SLIT3: variants seen among roughly 807,000 people sequenced by gnomAD.
The protein encoded by SLIT3 is slit guidance ligand 3, also known as slit homolog 3 protein.
In SLIT3, 68 loss-of-function variants were observed where a neutral mutation model predicts 184.0. The ratio of observed to expected loss-of-function variants is 0.37; its 90% CI spans 0.30 to 0.45. The LOEUF is 0.45. Among genes scored for constraint, SLIT3 ranks in the 20% least tolerant of loss-of-function variants. SLIT3 has a pLI of 1.00. For synonymous variants in SLIT3, 831 were observed against 828.6 expected, an observed-to-expected ratio of 1.00 and a Z score of -0.05; for missense variants, 1,707 against 2,026.0, an observed-to-expected ratio of 0.84 and a Z score of 3.02.
rs373297717 is a variant in SLIT3, at chr5:169,111,418, T to C, written c.413+82061A>G. On this transcript the variant is annotated intron_variant, in intron 4 of 35. Coordinates refer to ENST00000519560, the MANE Select transcript of SLIT3 (RefSeq NM_003062.4). ...TGCAGTTATAACATGAAAGTAGCCATAGAAGATAGGTAAGCATGAGTGTGT... is the reference window on the plus strand; with the variant it reads ...TGCAGTTATAACATGAAAGTAGCCACAGAAGATAGGTAAGCATGAGTGTGT... Among the ~76,000 whole-genome samples, 955 of 151,820 alleles carry C rather than the reference T, an allele frequency of 6.3e-3. 11 individuals carry two copies. Among genetic ancestry groups the C allele is most frequent in the African/African-American group, 0.022 (899 of 41,478 alleles).
At chr5:169,267,051 A>G (rs997812926) in intron 1 of SLIT3, among the ~76,000 whole-genome samples, 4 of 152,220 alleles carry the variant, frequency 2.6e-5, no homozygotes, top group Non-Finnish European at 5.9e-5. Flanking sequence ...AGTGTTTACC[A>G]TGTGCCAAGG....
chr5:169,025,330 C>T (rs1325114677), intron 4 of SLIT3, among the ~76,000 whole-genome samples: 2 of 152,148 alleles, frequency 1.3e-5, no homozygotes, highest in Non-Finnish European at 2.9e-5. Context: ...CAGCTCGTAC[C>T]AGAAGGTACT....
chr5:168,666,079 A>G lies in SLIT3; in HGVS notation c.*375T>C, dbSNP rs77328224. 8,870 of 158,944 alleles carry G rather than the reference A, an allele frequency of 0.056. 618 individuals carry two copies. The highest frequency in any genetic ancestry group is 0.2 in the Admixed American group (3,094 of 15,530). The allele number at this position is 158,944 out of a possible 1,614,324, so 9.8% of individuals were successfully genotyped here. On this transcript the variant is annotated 3_prime_UTR_variant, in exon 36 of 36. Transcript: ENST00000519560. ...AAAACATCTTCCTCCTTCCTCAGAC[A>G]GGCTATCATTCTTTATTCTTATCCT...
chr5:169,018,597 G>T (rs565726211), intron 4 of SLIT3: 1 of 152,216 alleles, frequency 6.6e-6, no homozygotes, highest in Non-Finnish European at 1.5e-5. Context: ...GAAATCAGGC[G>T]TGAGCGCAAG....
chr5:168,907,858 C>G (rs913031390), intron 4 of SLIT3, among the ~76,000 whole-genome samples: 1 of 143,648 alleles, frequency 7.0e-6, no homozygotes, highest in Non-Finnish European at 1.5e-5. Flanking sequence ...ATACATATAT[C>G]TATATCTATA....
chr5:169,107,441 T>G (rs190636260), intron 4 of SLIT3, among the ~76,000 whole-genome samples: 95 of 152,324 alleles, frequency 6.2e-4, no homozygotes, highest in African/African-American at 2.3e-3. Flanking sequence ...CAAGTAGATG[T>G]GGGTTTGACA....
At chr5:169,244,608 A>G in intron 3 of SLIT3, 97 bp downstream of exon 3, 3 of 1,033,546 alleles carry the variant, frequency 2.9e-6, no homozygotes, top group Non-Finnish European at 2.9e-6. Flanking sequence ...CTTTTTTAAC[A>G]AGGTTATAAG....
intron 4 of SLIT3, among the ~76,000 whole-genome samples, chr5:169,032,268 G>A (rs1757054581): frequency 6.6e-6 from 1 of 152,080 alleles, no homozygotes; most frequent in Non-Finnish European, 1.5e-5. Context: ...AAATATGAAA[G>A]AACATTTTTT....
chr5:169,053,857 G>A (rs982142720), intron 4 of SLIT3, among the ~76,000 whole-genome samples: 1 of 152,122 alleles, frequency 6.6e-6, no homozygotes, highest in Non-Finnish European at 1.5e-5. Context: ...GGAGGCTGAG[G>A]TGGGCAGATC....
At chr5:168,806,422 G>C in intron 9 of SLIT3, 24 bp downstream of exon 9, 1 of 1,613,804 alleles carries the variant, frequency 6.2e-7, no homozygotes, top group Non-Finnish European at 8.5e-7. Flanking sequence ...ACAGTTGTTG[G>C]GGGTGTCAGA....
At chr5:168,706,373 C>T (rs556790970) in intron 26 of SLIT3, among the ~76,000 whole-genome samples, 4 of 152,338 alleles carry the variant, frequency 2.6e-5, no homozygotes, top group African/African-American at 9.6e-5. Flanking sequence ...CTGGAATCCA[C>T]ACCTGCTTCT....
chr5:169,179,964 T>C (rs11134560), intron 4 of SLIT3, among the ~76,000 whole-genome samples: 16,791 of 151,940 alleles, frequency 0.11, 1,853 homozygotes, highest in African/African-American at 0.27. Context: ...TTACAATCTA[T>C]GGGGGGATGA....
chr5:168,921,095 C>T (rs901324329), intron 4 of SLIT3, among the ~76,000 whole-genome samples: 4 of 152,000 alleles, frequency 2.6e-5, no homozygotes, highest in South Asian at 2.1e-4. Flanking sequence ...CCCTCAAAAT[C>T]GGTATTTGGA....
intron 3 of SLIT3, among the ~76,000 whole-genome samples, chr5:169,239,388 T>G (rs1315015791): frequency 6.7e-6 from 1 of 148,450 alleles, no homozygotes; most frequent in African/African-American, 2.6e-5. Context: ...TGAGTTTGTA[T>G]TAAGTTGCTA....
At chr5:169,234,220 C>T (rs1053011550) in intron 3 of SLIT3, among the ~76,000 whole-genome samples, 2 of 152,158 alleles carry the variant, frequency 1.3e-5, no homozygotes, top group Non-Finnish European at 2.9e-5. Flanking sequence ...CCTTAGAGTG[C>T]TGTCAATTTA....
At chr5:169,092,529 T>A (rs1316830098) in intron 4 of SLIT3, among the ~76,000 whole-genome samples, 3 of 152,222 alleles carry the variant, frequency 2.0e-5, no homozygotes, top group Non-Finnish European at 2.9e-5. Context: ...GGTCCTCAGT[T>A]TCCCTGTTGC....
At chr5:169,121,319 C>A (rs1760864091) in intron 4 of SLIT3, among the ~76,000 whole-genome samples, 1 of 152,278 alleles carries the variant, frequency 6.6e-6, no homozygotes, top group Non-Finnish European at 1.5e-5. Context: ...CAAGAGAGGG[C>A]TAGATTAAAG....
chr5:168,777,565 C>A (rs2113552143), intron 12 of SLIT3, among the ~76,000 whole-genome samples: 1 of 152,164 alleles, frequency 6.6e-6, no homozygotes, highest in East Asian at 1.9e-4. Flanking sequence ...GATGTTACTT[C>A]AAATATGTAA....
In SLIT3 at chr5:169,052,774, G is replaced by A. The variant is rs144866600; in HGVS notation, c.413+140705C>T. The stretch of plus-strand genomic sequence containing the variant: ...GGTAGGAAGGTGGATTTCACTCCAC[G>A]CTACCCAAGCTACCTCTCAGACCAC... On this transcript the variant is annotated intron_variant, in intron 4 of 35. Coordinates refer to ENST00000519560, the MANE Select transcript of SLIT3 (RefSeq NM_003062.4). 2.8e-3 allele frequency among the ~76,000 whole-genome samples: 422 copies of A among 152,256 alleles called. 6 individuals carry two copies. The highest frequency in any genetic ancestry group is 0.017 in the South Asian group (84 of 4,822).
Sources: gnomAD v4.1 joint callset for allele counts (sites outside exome capture counted in the v4.1 genomes callset) on GRCh38, gnomAD v4.1.1 for gene constraint, MANE v1.5 for transcripts, NCBI Gene and HGNC (gene_info 2026-07-23, HGNC 2026-07-21) for gene names.